Variants in NDST4 observed in about 807,000 individuals in gnomAD.
NDST4 encodes the protein N-heparan sulfate sulfotransferase 4.
Under a neutral mutation model 100.8 loss-of-function variants are expected in NDST4, and 63 were observed. The observed-to-expected ratio is 0.62, with a 90% CI of 0.51 to 0.77. The LOEUF (loss-of-function observed/expected upper bound fraction) is 0.77, where lower values mean the gene tolerates loss of function less well. Among genes scored for constraint, NDST4 ranks in the 30% least tolerant of loss-of-function variants. NDST4 has a pLI of 0.00. For synonymous variants in NDST4, 377 were observed against 361.8 expected (o/e 1.04, Z -0.48); for missense variants, 943 against 1,018.4 (o/e 0.93, Z 1.01).
chr4:115,107,254 A>G (rs1419193024), intron 1 of NDST4, among the ~76,000 whole-genome samples: 2 of 152,128 alleles, frequency 1.3e-5, no homozygotes, highest in Non-Finnish European at 1.5e-5. Flanking sequence ...TTACACACAT[A>G]ATACTTCTTA....
At chr4:114,918,172 G>A (rs1725213268) in intron 6 of NDST4, among the ~76,000 whole-genome samples, 1 of 151,914 alleles carries the variant, frequency 6.6e-6, no homozygotes. Flanking sequence ...TCAAACTTGT[G>A]CCAACTTTAT....
chr4:114,893,953 G>A (rs548069652), intron 6 of NDST4, among the ~76,000 whole-genome samples: 37 of 151,908 alleles, frequency 2.4e-4, no homozygotes, highest in Middle Eastern at 3.2e-3. Flanking sequence ...AGTTTTCTGC[G>A]TATGGCTAGC....
intron 2 of NDST4, among the ~76,000 whole-genome samples, chr4:115,043,235 T>C (rs1728391692): frequency 6.6e-6 from 1 of 152,114 alleles, no homozygotes; most frequent in Non-Finnish European, 1.5e-5. Flanking sequence ...TCATGGTCTT[T>C]ACTGATACAT....
chr4:114,961,196 CA>C, intron 4 of NDST4, among the ~76,000 whole-genome samples: 1 of 151,606 alleles, frequency 6.6e-6, no homozygotes, highest in African/African-American at 2.4e-5. Context: ...GAGGAAGCAG[CA>C]AAATTAGTGC....
At chr4:114,917,903 TTAAA>T (rs1262797649) in intron 6 of NDST4, among the ~76,000 whole-genome samples, 1 of 152,092 alleles carries the variant, frequency 6.6e-6, no homozygotes, top group African/African-American at 2.4e-5. Context: ...ATTTGGAAGA[TTAAA>T]TAAGGTAAAC....
At position 114,933,071 on chromosome 4, in the gene NDST4, A is replaced by G. The variant is rs536216354; in HGVS notation, c.1536+2135T>C. On this transcript the variant is annotated intron_variant, in intron 6 of 13. Transcript: ENST00000264363. ...ACATCATGTTATCTATCATCAAACT[A>G]TACTACAAAGCTGTGGTAATAAAAA... 5.9e-5 allele frequency among the ~76,000 whole-genome samples: 9 copies of G among 152,306 alleles called. No individual in the cohort carries two copies. In the South Asian group the frequency reaches 1.9e-3, roughly 32 times the overall value.
chr4:114,869,679 A>G (rs923295955), intron 7 of NDST4, among the ~76,000 whole-genome samples: 8 of 152,184 alleles, frequency 5.3e-5, no homozygotes, highest in Non-Finnish European at 1.2e-4. Context: ...TGCTTAATAA[A>G]TCATCAGAAT....
chr4:115,020,473 AC>A (rs1454658135), intron 2 of NDST4, among the ~76,000 whole-genome samples: 1 of 152,082 alleles, frequency 6.6e-6, no homozygotes, highest in Non-Finnish European at 1.5e-5. Context: ...CATAGGAAAA[AC>A]CCTTTTAGAT....
At chr4:114,934,412 G>A (rs11940539) in intron 6 of NDST4, among the ~76,000 whole-genome samples, 7,851 of 151,954 alleles carry the variant, frequency 0.052, 674 homozygotes, top group African/African-American at 0.18. Flanking sequence ...TTAGCCGGGC[G>A]TGGTGGTGGC....
At chr4:114,915,246 A>G (rs1725144997) in intron 6 of NDST4, among the ~76,000 whole-genome samples, 2 of 152,100 alleles carry the variant, frequency 1.3e-5, no homozygotes, top group Admixed American at 1.3e-4. Flanking sequence ...CAAAACCACC[A>G]AGCTGTCAAA....
intron 6 of NDST4, among the ~76,000 whole-genome samples, chr4:114,915,685 G>A (rs927198444): frequency 6.6e-6 from 1 of 152,208 alleles, no homozygotes; most frequent in East Asian, 1.9e-4. Context: ...GTTGTTAATT[G>A]AAATCTATCA....
At chr4:115,035,442 G>A (rs1222411274) in intron 2 of NDST4, among the ~76,000 whole-genome samples, 2 of 151,972 alleles carry the variant, frequency 1.3e-5, no homozygotes, top group African/African-American at 2.4e-5. Flanking sequence ...ATTCTTCAAA[G>A]TTAAATAACA....
chr4:115,057,633 T>A (rs1425145782), intron 2 of NDST4, among the ~76,000 whole-genome samples: 4 of 151,934 alleles, frequency 2.6e-5, no homozygotes, highest in Non-Finnish European at 5.9e-5. Context: ...CTCGAATGAG[T>A]GATTTTATAC....
At chr4:114,984,020 A>C (rs919768607) in intron 2 of NDST4, among the ~76,000 whole-genome samples, 1 of 152,022 alleles carries the variant, frequency 6.6e-6, no homozygotes, top group African/African-American at 2.4e-5. Context: ...TTTGCTTTCC[A>C]CCATGATTTT....
intron 2 of NDST4, among the ~76,000 whole-genome samples, chr4:115,011,633 C>A (rs1727549671): frequency 6.6e-6 from 1 of 151,792 alleles, no homozygotes; most frequent in Non-Finnish European, 1.5e-5. Context: ...CAATAAAAAT[C>A]TATTGTAAGA....
intron 2 of NDST4, among the ~76,000 whole-genome samples, chr4:115,053,086 A>G (rs990624886): frequency 6.6e-6 from 1 of 152,218 alleles, no homozygotes; most frequent in African/African-American, 2.4e-5. Context: ...TGAAATATCA[A>G]TAAATGGAAG....
chr4:114,982,019 T>G (rs1340360686), intron 2 of NDST4, among the ~76,000 whole-genome samples: 1 of 152,140 alleles, frequency 6.6e-6, no homozygotes, highest in African/African-American at 2.4e-5. Context: ...TGTGTGGCAC[T>G]TCCCCCCAAA....
intron 3 of NDST4, among the ~76,000 whole-genome samples, chr4:114,973,826 C>G (rs1416677738): frequency 2.6e-5 from 4 of 151,626 alleles, no homozygotes; most frequent in African/African-American, 9.7e-5. Flanking sequence ...AATATAATTT[C>G]TAAATGTTGA....
At chr4:114,970,982 AAT>A (rs1345202347) in intron 3 of NDST4, among the ~76,000 whole-genome samples, 4 of 152,122 alleles carry the variant, frequency 2.6e-5, no homozygotes, top group Non-Finnish European at 4.4e-5. Flanking sequence ...TTACATAAAT[AAT>A]ATATGTTTAT....
Sources: gnomAD v4.1 joint callset for allele counts (sites outside exome capture counted in the v4.1 genomes callset) on GRCh38, gnomAD v4.1.1 for gene constraint, MANE v1.5 for transcripts, NCBI Gene and HGNC (gene_info 2026-07-23, HGNC 2026-07-21) for gene names.